VPS8: variants seen among roughly 807,000 people sequenced by gnomAD.
VPS8 encodes vacuolar protein sorting-associated protein 8 homolog.
In VPS8, 129 loss-of-function variants were observed where a neutral mutation model predicts 216.4. The ratio of observed to expected loss-of-function variants is 0.60; its 90% CI spans 0.52 to 0.69. VPS8 has a LOEUF of 0.69. VPS8 is among the 30% of genes least tolerant of loss of function. The probability of loss-of-function intolerance (pLI) is 0.00; values close to 1 mark genes in which losing one functional copy is unlikely to be tolerated. For missense variants in VPS8, 1,531 were observed against 1,683.5 expected (o/e 0.91, Z 1.59); for synonymous variants, 571 against 565.4 (o/e 1.01, Z -0.14).
At chr3:184,932,369 A>G (rs542928173) in intron 34 of VPS8, among the ~76,000 whole-genome samples, 2 of 152,294 alleles carry the variant, frequency 1.3e-5, no homozygotes, top group South Asian at 2.1e-4. Context: ...TTAGATGACC[A>G]ATCTCTGGTT....
intron 21 of VPS8, among the ~76,000 whole-genome samples, chr3:184,881,135 A>G (rs1189227275): frequency 1.3e-5 from 2 of 152,276 alleles, no homozygotes; most frequent in East Asian, 1.9e-4. Context: ...TTGCAAACCA[A>G]AGGTTTTAAT....
intron 16 of VPS8, among the ~76,000 whole-genome samples, chr3:184,864,995 A>G (rs1727072074): frequency 2.0e-5 from 3 of 152,218 alleles, no homozygotes; most frequent in Admixed American, 6.5e-5. Context: ...AAAGATGCAC[A>G]TCAGACTTCT....
intron 21 of VPS8, among the ~76,000 whole-genome samples, chr3:184,874,460 C>T (rs540719352): frequency 6.7e-4 from 102 of 152,158 alleles, no homozygotes; most frequent in Middle Eastern, 6.8e-3. Context: ...ATCTAGGTAG[C>T]GCCAAGAATC....
intron 7 of VPS8, among the ~76,000 whole-genome samples, chr3:184,840,780 C>T (rs1165908823): frequency 6.6e-6 from 1 of 151,938 alleles, no homozygotes; most frequent in African/African-American, 2.4e-5. Context: ...TTAGTGTTCT[C>T]TTCTGGATAT....
chr3:185,002,466 A>G (rs1292373204), intron 45 of VPS8, among the ~76,000 whole-genome samples: 1 of 152,154 alleles, frequency 6.6e-6, no homozygotes, highest in Non-Finnish European at 1.5e-5. Context: ...TTTTATTTCC[A>G]TAGTTTTTGA....
At chr3:184,920,075 T>C in intron 28 of VPS8, 52 bp from the exon 29 acceptor site, 1 of 1,224,810 alleles carries the variant, frequency 8.2e-7, no homozygotes. Flanking sequence ...ACTTGTTTTC[T>C]TCTACATGTG....
chr3:184,935,759 CAT>C (rs1166868669), intron 34 of VPS8, among the ~76,000 whole-genome samples: 7 of 152,200 alleles, frequency 4.6e-5, no homozygotes, highest in Non-Finnish European at 7.3e-5. Context: ...ATTTTACTCT[CAT>C]ATAAAATTTA....
chr3:185,013,122 T>C (rs1685149013), intron 45 of VPS8, among the ~76,000 whole-genome samples: 2 of 152,236 alleles, frequency 1.3e-5, no homozygotes, highest in Non-Finnish European at 2.9e-5. Context: ...TTAAGCGTTT[T>C]CCACCCTGGG....
At chr3:185,027,067 A>C (rs971714616) in intron 46 of VPS8, among the ~76,000 whole-genome samples, 1 of 151,922 alleles carries the variant, frequency 6.6e-6, no homozygotes, top group African/African-American at 2.4e-5. Context: ...AAAGAAATAC[A>C]ATCCTGTTCT....
intron 39 of VPS8, among the ~76,000 whole-genome samples, chr3:184,969,908 T>A (rs1748121537): frequency 1.5e-5 from 2 of 134,370 alleles, no homozygotes; most frequent in Non-Finnish European, 3.2e-5. Flanking sequence ...TTACTTTTTT[T>A]TTTTTTTTTT....
intron 25 of VPS8, among the ~76,000 whole-genome samples, chr3:184,907,430 T>G (rs1328174145): frequency 6.6e-6 from 1 of 152,234 alleles, no homozygotes; most frequent in African/African-American, 2.4e-5. Context: ...TAGCTTCTTA[T>G]CTTTGTAGCT....
At chr3:184,950,551 T>C (rs1744517386) in intron 36 of VPS8, among the ~76,000 whole-genome samples, 1 of 152,134 alleles carries the variant, frequency 6.6e-6, no homozygotes, top group South Asian at 2.1e-4. Context: ...TTATTTTCTT[T>C]GTCAAATGTT....
chr3:184,948,195 C>G (rs575818978), intron 36 of VPS8, among the ~76,000 whole-genome samples: 1 of 148,490 alleles, frequency 6.7e-6, no homozygotes, highest in African/African-American at 2.5e-5. Flanking sequence ...TAAAGTGCAA[C>G]AAGAATAGTG....
At chr3:184,869,662 G>C (rs1326182395) in intron 20 of VPS8, 134 bp downstream of exon 20, 31 of 756,270 alleles carry the variant, frequency 4.1e-5, no homozygotes, top group African/African-American at 1.6e-4. Flanking sequence ...CACACACACA[G>C]ACACACACTT....
chr3:185,049,926 C>G (rs1358441447), intron 47 of VPS8, among the ~76,000 whole-genome samples: 3 of 152,048 alleles, frequency 2.0e-5, no homozygotes, highest in Non-Finnish European at 4.4e-5. Context: ...TGGATGCAGT[C>G]CAGCAGCTTT....
chr3:184,885,471 C>G (rs1379763936), intron 21 of VPS8, among the ~76,000 whole-genome samples: 1 of 152,038 alleles, frequency 6.6e-6, no homozygotes, highest in African/African-American at 2.4e-5. Context: ...GAATTTAAAG[C>G]AATAAAAATA....
intron 32 of VPS8, 100 bp from the exon 33 acceptor site, chr3:184,929,480 A>G (rs1740297630): frequency 7.2e-6 from 5 of 690,826 alleles, no homozygotes; most frequent in Non-Finnish European, 1.2e-5. Flanking sequence ...ATGAGCCAGG[A>G]CACCTGGCCC....
chr3:185,049,296 G>C (rs959849818), intron 47 of VPS8, among the ~76,000 whole-genome samples: 3 of 152,136 alleles, frequency 2.0e-5, no homozygotes, highest in Non-Finnish European at 2.9e-5. Context: ...TGTCCCCCAG[G>C]CACTTTGGAC....
intron 16 of VPS8, among the ~76,000 whole-genome samples, chr3:184,863,809 A>G (rs1207184636): frequency 6.6e-6 from 1 of 152,166 alleles, no homozygotes; most frequent in Non-Finnish European, 1.5e-5. Flanking sequence ...AATAGTAATG[A>G]TGGTCATATT....
Sources: allele counts gnomAD v4.1 joint callset (sites outside exome capture counted in the v4.1 genomes callset), GRCh38; gene constraint gnomAD v4.1.1; transcripts MANE v1.5; gene names NCBI Gene and HGNC (gene_info 2026-07-23, HGNC 2026-07-21).